Variants in PIK3C3 observed in about 807,000 individuals in gnomAD.
The protein encoded by PIK3C3 is PI3-kinase type 3.
Under a neutral mutation model 126.1 loss-of-function variants are expected in PIK3C3, and 95 were observed. The ratio of observed to expected loss-of-function variants is 0.75; its 90% CI spans 0.64 to 0.89. The LOEUF is 0.89. PIK3C3 is among the 40% of genes least tolerant of loss of function. The pLI is 0.00. For synonymous variants in PIK3C3, 374 were observed against 360.0 expected (o/e 1.04, Z -0.44); for missense variants, 829 against 1,063.2 (o/e 0.78, Z 3.06).
chr18:42,037,738 G>A lies in PIK3C3; in HGVS notation c.1886G>A (p.Gly629Asp), dbSNP rs1456022504. 2 of 1,610,314 alleles carry A rather than the reference G, an allele frequency of 1.2e-6. No individual in the cohort carries two copies. The highest frequency in any genetic ancestry group is 2.7e-5 in the African/African-American group (2 of 74,832). ...TTGTTTTTTAAGACGGAAGATGGAG[G>A]CAAATATCCAGTTATATTTAAGCAT... ...AQLFFKTEDG[G>D]KYPVIFKHGD... The change falls in exon 17 of 25, where the codon GGC becomes GAC. Residue 629 changes from glycine (G) to aspartate (D), a missense_variant. Transcript: ENST00000262039.
intron 24 of PIK3C3, among the ~76,000 whole-genome samples, chr18:42,072,935 G>A (rs1985837017): frequency 6.6e-6 from 1 of 152,038 alleles, no homozygotes; most frequent in African/African-American, 2.4e-5. Context: ...GCCTTTCACT[G>A]GTGATCTCTT....
chr18:42,023,983 G>A (rs1022218106), intron 13 of PIK3C3, among the ~76,000 whole-genome samples: 7 of 152,088 alleles, frequency 4.6e-5, no homozygotes, highest in Admixed American at 1.3e-4. Context: ...GCCACAGAGG[G>A]GCGTTACAGT....
chr18:42,046,872 T>C (rs139806982), intron 20 of PIK3C3, among the ~76,000 whole-genome samples: 1 of 152,276 alleles, frequency 6.6e-6, no homozygotes, highest in African/African-American at 2.4e-5. Flanking sequence ...TTGATACATA[T>C]ATTTCACTTG....
At chr18:41,994,078 C>CA (rs1281891002) in intron 7 of PIK3C3, among the ~76,000 whole-genome samples, 2 of 151,968 alleles carry the variant, frequency 1.3e-5, no homozygotes, top group African/African-American at 4.8e-5. Flanking sequence ...CTCATCAGAC[C>CA]AAAGTGGATT....
At chr18:42,046,293 T>C (rs375963016) in intron 20 of PIK3C3, among the ~76,000 whole-genome samples, 1 of 152,184 alleles carries the variant, frequency 6.6e-6, no homozygotes, top group East Asian at 1.9e-4. Context: ...ACTTTCATTT[T>C]AGAAAATAAT....
At chr18:42,023,128 T>C (rs1983400933) in intron 13 of PIK3C3, among the ~76,000 whole-genome samples, 1 of 152,248 alleles carries the variant, frequency 6.6e-6, no homozygotes, top group Non-Finnish European at 1.5e-5. Context: ...TTTTGTTTCC[T>C]TGCAATATTC....
intron 5 of PIK3C3, among the ~76,000 whole-genome samples, chr18:41,989,739 G>A (rs1000547875): frequency 6.6e-6 from 1 of 152,094 alleles, no homozygotes; most frequent in African/African-American, 2.4e-5. Flanking sequence ...TACATTTCAT[G>A]ATGTTTACAC....
rs1223775300 is a variant in PIK3C3, at chr18:42,054,128, A to ATATCTATATCTATATATATATC, written c.2264-3752_2264-3751insCTATATCTATATATATATCTAT. Among the ~76,000 whole-genome samples, 2 of 4,220 alleles carry ATATCTATATCTATATATATATC rather than the reference A, an allele frequency of 4.7e-4. 1 individual carries two copies. Among genetic ancestry groups the ATATCTATATCTATATATATATC allele is most frequent in the East Asian group, 4.0e-3 (2 of 504 alleles). The allele number at this position is 4,220 out of a possible 152,430, so 2.8% of individuals were successfully genotyped here. A position where few individuals can be genotyped will look rare whatever the true frequency, so the allele number is the denominator to read the frequency against. On this transcript the variant is annotated intron_variant, in intron 21 of 24. Transcript: ENST00000262039. ...TCTCTAGAGGGACAGAACTAATGGT[A>ATATCTATATCTATATATATATC]TATATATATATATATATATATATAT...
At chr18:42,029,809 C>T (rs1165937428) in intron 15 of PIK3C3, among the ~76,000 whole-genome samples, 1 of 152,044 alleles carries the variant, frequency 6.6e-6, no homozygotes, top group Non-Finnish European at 1.5e-5. Flanking sequence ...TCCCAAAGTG[C>T]TGGGATTACA....
chr18:42,001,764 C>G (rs1982302657), intron 9 of PIK3C3, among the ~76,000 whole-genome samples: 2 of 152,136 alleles, frequency 1.3e-5, no homozygotes, highest in East Asian at 1.9e-4. Context: ...TTGAGTACAT[C>G]GGCATGCTAC....
intron 13 of PIK3C3, among the ~76,000 whole-genome samples, chr18:42,020,946 G>T (rs1983295260): frequency 6.6e-6 from 1 of 152,094 alleles, no homozygotes; most frequent in Admixed American, 6.6e-5. Flanking sequence ...AACTGGGGAG[G>T]GTAATGGGTA....
Position 42,086,777 on chromosome 18 carries a change from C to A in PIK3C3, c.*5640C>A, listed in dbSNP as rs1396644237. ...CTTGAAAATTCATGAATAATCCACC[C>A]CTTGTTTAGCATATGATCAAGAAAT... On this transcript the variant is annotated 3_prime_UTR_variant, in exon 25 of 25. Coordinates refer to ENST00000262039, the MANE Select transcript of PIK3C3 (RefSeq NM_002647.4). 1 of 152,198 alleles carries A rather than the reference C, an allele frequency of 6.6e-6. No homozygotes were observed. Among genetic ancestry groups the A allele is most frequent in the Non-Finnish European group, 1.5e-5 (1 of 68,032 alleles). The allele number at this position is 152,198 out of a possible 1,614,324, so 9.4% of individuals were successfully genotyped here.
chr18:42,061,349 G>A (rs553379010), intron 22 of PIK3C3, among the ~76,000 whole-genome samples: 8 of 152,206 alleles, frequency 5.3e-5, no homozygotes, highest in Middle Eastern at 3.4e-3. Context: ...TCGGGAGGTC[G>A]AGGCAGGTAG....
chr18:42,076,133 T>C lies in PIK3C3; in HGVS notation c.2650-4990T>C, dbSNP rs1163492505. ...ATATATATATATATGCGCATATATATATATATATATGCGCATATATATATA... is the reference window on the plus strand; with the variant it reads ...ATATATATATATATGCGCATATATACATATATATATGCGCATATATATATA... On this transcript the variant is annotated intron_variant, in intron 24 of 24. Transcript: ENST00000262039. 9.7e-4 allele frequency among the ~76,000 whole-genome samples: 89 copies of C among 91,790 alleles called. 8 individuals carry two copies. The highest frequency in any genetic ancestry group is 5.2e-3 in the African/African-American group (82 of 15,698). 60.2% of individuals were successfully genotyped at this position (91,790 alleles called of 152,430 possible).
chr18:41,993,244 TA>T, intron 6 of PIK3C3, 25 bp from the exon 7 acceptor site: 1 of 1,505,058 alleles, frequency 6.6e-7, no homozygotes, highest in Non-Finnish European at 9.2e-7. Flanking sequence ...TTTCTTTTTT[TA>T]AAAAATTATT....
chr18:41,983,099 T>G (rs1342031409), intron 4 of PIK3C3, among the ~76,000 whole-genome samples: 5 of 152,198 alleles, frequency 3.3e-5, no homozygotes, highest in African/African-American at 4.8e-5. Context: ...TTCCAAGTTA[T>G]CAGTCATAAG....
intron 10 of PIK3C3, among the ~76,000 whole-genome samples, chr18:42,009,017 A>C (rs1453931513): frequency 6.6e-6 from 1 of 152,174 alleles, no homozygotes; most frequent in Non-Finnish European, 1.5e-5. Flanking sequence ...ACTCCGAATG[A>C]AGGCTGGCAG....
intron 4 of PIK3C3, among the ~76,000 whole-genome samples, chr18:41,971,710 T>G (rs1379206120): frequency 6.6e-6 from 1 of 152,018 alleles, no homozygotes; most frequent in Non-Finnish European, 1.5e-5. Context: ...ATCAATTCAT[T>G]TATAGCCTGT....
rs1404215791 is a variant in PIK3C3 at position 42,083,027 on chromosome 18, T to G, written c.*1890T>G. ...ACAAGAATTGTAAAGAGGATAAACC[T>G]TTCTAGGAAGGTTGATGCGTGTTGG... is the stretch of plus-strand genomic sequence containing the variant. On this transcript the variant is annotated 3_prime_UTR_variant, in exon 25 of 25. Transcript: ENST00000262039. 1 of 152,186 alleles carries G rather than the reference T, an allele frequency of 6.6e-6. No homozygotes were observed. The allele number at this position is 152,186 out of a possible 1,614,324, so 9.4% of individuals were successfully genotyped here.
Sources: allele counts gnomAD v4.1 joint callset (sites outside exome capture counted in the v4.1 genomes callset), GRCh38; gene constraint gnomAD v4.1.1; transcripts MANE v1.5; gene names NCBI Gene and HGNC (gene_info 2026-07-23, HGNC 2026-07-21).